Variants in LIPH observed in about 807,000 individuals in gnomAD.
LIPH encodes the protein lipase member H.
In LIPH, 32 loss-of-function variants were observed where a neutral mutation model predicts 47.6. The ratio of observed to expected loss-of-function variants is 0.67; its 90% confidence interval spans 0.51 to 0.90. The LOEUF (loss-of-function observed/expected upper bound fraction) is 0.90, where lower values mean the gene tolerates loss of function less well. Ranked by LOEUF, LIPH falls within the 40% of genes least tolerant of loss-of-function variation. The pLI is 0.00. For missense variants in LIPH, 497 were observed against 541.4 expected (o/e 0.92, Z 0.81); for synonymous variants, 190 against 195.6 (o/e 0.97, Z 0.24).
rs1018984055 is a variant in LIPH at position 185,535,220 on chromosome 3, T to C, written c.50-88A>G. On this transcript the variant is annotated intron_variant, in intron 1 of 9. Coordinates refer to ENST00000296252, the MANE Select transcript of LIPH (RefSeq NM_139248.3). The stretch of plus-strand genomic sequence containing the variant: ...TGCTGTTCTATATTTGTAGGAGTTC[T>C]TCTTATGTTCCTGATAGGACCTGGC... The C allele has an allele frequency of 5.4e-6, 8 of 1,478,436 alleles. No homozygotes were observed. The Admixed American group carries it at 6.7e-5, about 12-fold the overall frequency. The allele number at this position is 1,478,436 out of a possible 1,614,324, so 91.6% of individuals were successfully genotyped here. A position where few individuals can be genotyped will look rare whatever the true frequency, so the allele number is the denominator to read the frequency against.
At chr3:185,526,125 T>A (rs1363575025) in intron 4 of LIPH, among the ~76,000 whole-genome samples, 2 of 152,044 alleles carry the variant, frequency 1.3e-5, no homozygotes, top group Non-Finnish European at 2.9e-5. Context: ...AAGCCTGTAA[T>A]CCCAGCACTT....
At chr3:185,548,546 G>A (rs530337518) in intron 1 of LIPH, among the ~76,000 whole-genome samples, 1 of 151,558 alleles carries the variant, frequency 6.6e-6, no homozygotes, top group South Asian at 2.1e-4. Context: ...TGGCCAATAT[G>A]GTGAAACCCC....
chr3:185,509,946 C>CTTTTTTTTTTTTT (rs66966684), intron 9 of LIPH, among the ~76,000 whole-genome samples: 4 of 118,450 alleles, frequency 3.4e-5, no homozygotes, highest in East Asian at 2.5e-4. Flanking sequence ...TTTTTGTTTT[C>CTTTTTTTTTTTTT]TTTTTTTTTT....
At chr3:185,528,702 C>T (rs1222274302) in intron 3 of LIPH, among the ~76,000 whole-genome samples, 1 of 152,122 alleles carries the variant, frequency 6.6e-6, no homozygotes, top group Admixed American at 6.6e-5. Flanking sequence ...AAGAGGGAAA[C>T]CAAGTGGGTG....
chr3:185,534,637 G>A (rs944518054), intron 2 of LIPH, 128 bp downstream of exon 2: 4 of 887,010 alleles, frequency 4.5e-6, no homozygotes, highest in Admixed American at 2.1e-5. Context: ...CTTCCCTGGG[G>A]CTTATTCACA....
In LIPH at chr3:185,507,366, AAAAG is replaced by A. The variant is rs1320567918; in HGVS notation, c.*1420_*1423del. The A allele has an allele frequency of 7.2e-5, 10 of 138,172 alleles. No individual in the cohort carries two copies. The highest frequency in any genetic ancestry group is 1.2e-4 in the African/African-American group (5 of 40,668). The allele number at this position is 138,172 out of a possible 1,614,324, so 8.6% of individuals were successfully genotyped here. On this transcript the variant is annotated 3_prime_UTR_variant, in exon 10 of 10. Transcript: ENST00000296252. ...CAGCCTAGGCAACTCCAAAAAAAAA[AAAAG>A]AGAGAGAGAGTCAATTTCTTCATAA... is the stretch of plus-strand genomic sequence containing the variant.
chr3:185,523,389 A>C (rs977507982), intron 5 of LIPH, among the ~76,000 whole-genome samples: 1 of 152,164 alleles, frequency 6.6e-6, no homozygotes, highest in African/African-American at 2.4e-5. Flanking sequence ...GAATAATGTC[A>C]GATTTTAAAG....
At position 185,552,510 on chromosome 3, in the gene LIPH, T is replaced by A; in HGVS notation, c.-39A>T. On this transcript the variant is annotated 5_prime_UTR_variant, in exon 1 of 10. Coordinates refer to ENST00000296252, the MANE Select transcript of LIPH (RefSeq NM_139248.3). ...AGATCGTGTGTCACATTCACAAGAA[T>A]GATTTACTTCGCAGAGGCTTAAGAG... 2 of 1,424,414 alleles carry A rather than the reference T, an allele frequency of 1.4e-6. No individual in the cohort carries two copies. 88.2% of individuals were successfully genotyped at this position (1,424,414 alleles called of 1,614,324 possible).
chr3:185,509,555 A>C (rs1458874466), intron 9 of LIPH, among the ~76,000 whole-genome samples: 2 of 152,120 alleles, frequency 1.3e-5, no homozygotes, highest in African/African-American at 4.8e-5. Context: ...GCTTGAACCC[A>C]GGAGGTGGAG....
At chr3:185,517,219 C>T in intron 6 of LIPH, 57 bp from the exon 7 acceptor site, 1 of 925,602 alleles carries the variant, frequency 1.1e-6, no homozygotes, top group Admixed American at 1.7e-5. Context: ...AACATAAAAG[C>T]AACTGAGGTA....
chr3:185,547,826 CAAAA>C (rs548499364), intron 1 of LIPH, among the ~76,000 whole-genome samples: 3 of 113,574 alleles, frequency 2.6e-5, no homozygotes, highest in Non-Finnish European at 3.8e-5. Context: ...ACTCCATCTC[CAAAA>C]AAAAAAAAAA....
In LIPH at chr3:185,511,639, C is replaced by G; in HGVS notation, c.1153G>C (p.Asp385His). 1 of 1,613,468 alleles carries G rather than the reference C, an allele frequency of 6.2e-7. No homozygotes were observed. The highest frequency in any genetic ancestry group is 8.5e-7 in the Non-Finnish European group (1 of 1,179,456). ...QVSLLARFNQ[D>H]LDKVAAISLM... ...GAAATTGCAGCCACTTTATCCAGATCTTGATTAAATCTTGCAAGTAGACTC... is the reference window on the plus strand; with the variant it reads ...GAAATTGCAGCCACTTTATCCAGATGTTGATTAAATCTTGCAAGTAGACTC... Residue 385 changes from aspartate (D) to histidine (H), a missense_variant, in exon 9 of 10, where the codon GAT becomes CAT. Physicochemically the swap from Asp to His is moderately conservative, Grantham distance 81. Transcript: ENST00000296252.
intron 8 of LIPH, among the ~76,000 whole-genome samples, chr3:185,513,182 A>T (rs1290810519): frequency 6.6e-6 from 1 of 152,116 alleles, no homozygotes; most frequent in African/African-American, 2.4e-5. Flanking sequence ...TCTACTAAAA[A>T]TATAAAAATT....
intron 5 of LIPH, among the ~76,000 whole-genome samples, chr3:185,523,223 C>A (rs1422031364): frequency 6.6e-6 from 1 of 152,132 alleles, no homozygotes; most frequent in African/African-American, 2.4e-5. Flanking sequence ...AGATCAAAGA[C>A]ATACCTTTTC....
intron 4 of LIPH, among the ~76,000 whole-genome samples, chr3:185,526,686 T>A (rs367924623): frequency 0.034 from 1,071 of 31,940 alleles, 12 homozygotes; most frequent in African/African-American, 0.088. Context: ...TATAATATAA[T>A]ATAAAATAAA....
chr3:185,540,422 T>C (rs139086688), intron 1 of LIPH, among the ~76,000 whole-genome samples: 1 of 152,164 alleles, frequency 6.6e-6, no homozygotes, highest in African/African-American at 2.4e-5. Flanking sequence ...GATAACTCTA[T>C]ATGAAATATT....
intron 5 of LIPH, among the ~76,000 whole-genome samples, chr3:185,519,638 C>T (rs1719838567): frequency 1.3e-5 from 2 of 151,840 alleles, no homozygotes; most frequent in African/African-American, 4.8e-5. Context: ...GAGTTCGAAA[C>T]CAGCCTGGCC....
chr3:185,552,387 T>A, intron 1 of LIPH, 36 bp downstream of exon 1: 1 of 1,425,128 alleles, frequency 7.0e-7, no homozygotes. Context: ...TTCTATTTTT[T>A]AAGCAGTTAA....
In LIPH at chr3:185,508,929, G is replaced by A. The variant is rs1024455026; in HGVS notation, c.1269-52C>T. The A allele has an allele frequency of 5.7e-6, 6 of 1,047,328 alleles. No individual in the cohort carries two copies. In the African/African-American group the frequency reaches 7.8e-5, roughly 14 times the overall value. 64.9% of individuals were successfully genotyped at this position (1,047,328 alleles called of 1,614,324 possible). A position where few individuals can be genotyped will look rare whatever the true frequency, so the allele number is the denominator to read the frequency against. On this transcript the variant is annotated intron_variant, in intron 9 of 9. Transcript: ENST00000296252. ...GTAAATGAATTTATAAAAATGCAAT[G>A]GTCTAGTAAATAATATTATATCCTT...
Sources: gnomAD v4.1 joint callset for allele counts (sites outside exome capture counted in the v4.1 genomes callset) on GRCh38, gnomAD v4.1.1 for gene constraint, MANE v1.5 for transcripts, NCBI Gene and HGNC (gene_info 2026-07-23, HGNC 2026-07-21) for gene names.